SPAG16: variants seen among roughly 807,000 people sequenced by gnomAD.
SPAG16 encodes sperm-associated antigen 16 protein.
In SPAG16, 86 loss-of-function variants were observed where a neutral mutation model predicts 80.4. That is an observed-to-expected ratio of 1.07 (90% CI 0.90 to 1.28). The LOEUF is 1.28. Among genes scored for constraint, SPAG16 ranks in the 50% most tolerant of loss-of-function variants. The pLI, the probability that SPAG16 is intolerant of heterozygous loss-of-function variation, is 0.00. For synonymous variants in SPAG16, 294 were observed against 265.9 expected, an observed-to-expected ratio of 1.11 and a Z score of -1.03; for missense variants, 870 against 765.3, an observed-to-expected ratio of 1.14 and a Z score of -1.61.
chr2:213,297,368 G>A lies in SPAG16; in HGVS notation c.279+11G>A. ...GATACTGAAATTTTGGTGAGAATTT[G>A]AACACTAGTGTAGTCTATAGTTTAG... On this transcript the variant is annotated intron_variant, in intron 3 of 15. Coordinates refer to ENST00000331683, the MANE Select transcript of SPAG16 (RefSeq NM_024532.5). 1 of 1,543,604 alleles carries A rather than the reference G, an allele frequency of 6.5e-7. No homozygotes were observed. The highest frequency in any genetic ancestry group is 8.9e-7 in the Non-Finnish European group (1 of 1,121,078).
At chr2:213,989,827 C>T (rs1259356713) in intron 12 of SPAG16, among the ~76,000 whole-genome samples, 1 of 151,964 alleles carries the variant, frequency 6.6e-6, no homozygotes, top group East Asian at 1.9e-4. Context: ...ATGTAAATGA[C>T]AGAAATGGTT....
At chr2:213,955,730 G>A (rs1287264505) in intron 12 of SPAG16, among the ~76,000 whole-genome samples, 3 of 151,858 alleles carry the variant, frequency 2.0e-5, no homozygotes, top group Admixed American at 1.3e-4. Context: ...TAGGTTTTGT[G>A]TTTCTAGGAA....
Position 213,701,250 on chromosome 2 carries a change from T to A in SPAG16, c.1071-161235T>A, listed in dbSNP as rs560147405. Among the ~76,000 whole-genome samples, 58 of 151,812 alleles carry A rather than the reference T, an allele frequency of 3.8e-4. 1 individual carries two copies. The South Asian group carries it at 8.7e-3, about 23-fold the overall frequency. On this transcript the variant is annotated intron_variant, in intron 10 of 15. Coordinates refer to ENST00000331683, the MANE Select transcript of SPAG16 (RefSeq NM_024532.5). ...GAGAGATTCCATCTAAAAAAATAAA[T>A]AAATAAATAAATAAATAAGATGATC...
intron 11 of SPAG16, among the ~76,000 whole-genome samples, chr2:213,887,203 G>C (rs2076589587): frequency 6.6e-6 from 1 of 151,954 alleles, no homozygotes; most frequent in Non-Finnish European, 1.5e-5. Flanking sequence ...CTAAACTATA[G>C]ACTTCAATCA....
intron 10 of SPAG16, among the ~76,000 whole-genome samples, chr2:213,736,806 G>A (rs2067303785): frequency 1.3e-5 from 2 of 151,358 alleles, no homozygotes; most frequent in East Asian, 3.9e-4. Context: ...CTCGGTTCAA[G>A]TGATTCTCCT....
At chr2:213,955,079 A>T (rs2044052476) in intron 12 of SPAG16, among the ~76,000 whole-genome samples, 1 of 152,026 alleles carries the variant, frequency 6.6e-6, no homozygotes, top group African/African-American at 2.4e-5. Context: ...AATAATTTTC[A>T]AATTTTTTCC....
chr2:213,934,424 A>C (rs2078901167), intron 12 of SPAG16, among the ~76,000 whole-genome samples: 1 of 152,192 alleles, frequency 6.6e-6, no homozygotes, highest in African/African-American at 2.4e-5. Context: ...TCAGCCACAG[A>C]TCATGAACTG....
intron 3 of SPAG16, among the ~76,000 whole-genome samples, chr2:213,305,707 C>G (rs1337465033): frequency 6.6e-6 from 1 of 152,038 alleles, no homozygotes; most frequent in Non-Finnish European, 1.5e-5. Context: ...AAGGATGAAT[C>G]CCACTTGGTC....
At chr2:213,931,697 G>A (rs1056589790) in intron 12 of SPAG16, among the ~76,000 whole-genome samples, 5 of 152,050 alleles carry the variant, frequency 3.3e-5, no homozygotes, top group Non-Finnish European at 7.4e-5. Context: ...TTTTCTTTAT[G>A]ACCCTGGTAT....
intron 1 of SPAG16, among the ~76,000 whole-genome samples, chr2:213,289,163 G>T (rs1048454870): frequency 6.6e-6 from 1 of 152,186 alleles, no homozygotes; most frequent in Non-Finnish European, 1.5e-5. Context: ...TGGTGCTGCG[G>T]TTGCTGCTGG....
intron 9 of SPAG16, among the ~76,000 whole-genome samples, chr2:213,468,920 G>T (rs1422459285): frequency 6.6e-6 from 1 of 151,964 alleles, no homozygotes; most frequent in Admixed American, 6.6e-5. Context: ...GAAAGATGTA[G>T]GCTGGGAGGC....
At chr2:213,858,877 T>G (rs2075288985) in intron 10 of SPAG16, among the ~76,000 whole-genome samples, 1 of 151,890 alleles carries the variant, frequency 6.6e-6, no homozygotes, top group African/African-American at 2.4e-5. Flanking sequence ...GAGACCTCTA[T>G]GAAAATAAAA....
intron 15 of SPAG16, among the ~76,000 whole-genome samples, chr2:214,283,994 C>T (rs1195779697): frequency 6.6e-6 from 1 of 152,112 alleles, no homozygotes; most frequent in Non-Finnish European, 1.5e-5. Context: ...CATGAAAATG[C>T]TAATTAATAA....
At chr2:213,356,468 A>G (rs980846507) in intron 7 of SPAG16, among the ~76,000 whole-genome samples, 1 of 152,166 alleles carries the variant, frequency 6.6e-6, no homozygotes, top group African/African-American at 2.4e-5. Context: ...TTCCTAGTTT[A>G]TTCTTGTGAG....
chr2:213,834,226 A>T (rs1396033621), intron 10 of SPAG16, among the ~76,000 whole-genome samples: 1 of 152,150 alleles, frequency 6.6e-6, no homozygotes, highest in African/African-American at 2.4e-5. Flanking sequence ...ATTCTCAGGT[A>T]TGTCCTTATC....
chr2:213,894,434 A>G (rs936415608), intron 11 of SPAG16, among the ~76,000 whole-genome samples: 2 of 152,166 alleles, frequency 1.3e-5, no homozygotes, highest in African/African-American at 2.4e-5. Flanking sequence ...TGTAGAAGGA[A>G]CATGCCTCAA....
intron 15 of SPAG16, among the ~76,000 whole-genome samples, chr2:214,189,823 G>A (rs2057599691): frequency 6.6e-6 from 1 of 151,900 alleles, no homozygotes; most frequent in Admixed American, 6.6e-5. Context: ...AGATATATGT[G>A]CTTCTTTACC....
intron 14 of SPAG16, among the ~76,000 whole-genome samples, chr2:214,140,389 T>C (rs2055289038): frequency 6.6e-6 from 1 of 152,076 alleles, no homozygotes. Flanking sequence ...ACTTATTTTG[T>C]GGCTTATCAC....
At chr2:214,308,219 T>G (rs1576740716) in intron 15 of SPAG16, among the ~76,000 whole-genome samples, 2 of 152,208 alleles carry the variant, frequency 1.3e-5, no homozygotes, top group Admixed American at 1.3e-4. Flanking sequence ...CTCCTCCTTT[T>G]GTCTGTTTTC....
Sources: gnomAD v4.1 joint callset for allele counts (sites outside exome capture counted in the v4.1 genomes callset) on GRCh38, gnomAD v4.1.1 for gene constraint, MANE v1.5 for transcripts, NCBI Gene and HGNC (gene_info 2026-07-23, HGNC 2026-07-21) for gene names.